Variants in RPSA2 observed in about 807,000 individuals in gnomAD.
The protein encoded by RPSA2 is ribosomal protein SA 2, also known as small ribosomal subunit protein uS2B.
chr19:23,825,863 A>G, the RPSA2 span, among the ~76,000 whole-genome samples: 1 of 152,210 alleles, frequency 6.6e-6, no homozygotes. Flanking sequence ...TACTGAGATT[A>G]CAGGTGTGAG....
At chr19:23,769,220 C>G in the RPSA2 span, among the ~76,000 whole-genome samples, 152 of 152,342 alleles carry the variant, frequency 1.0e-3, no homozygotes, top group African/African-American at 3.5e-3. Context: ...CTGGGCCCTA[C>G]CCACTGGAGT....
the RPSA2 span, among the ~76,000 whole-genome samples, chr19:23,856,372 G>C: frequency 6.6e-6 from 1 of 152,066 alleles, no homozygotes; most frequent in Non-Finnish European, 1.5e-5. Flanking sequence ...CCTGAATAGG[G>C]TGACCATATT....
the RPSA2 span, among the ~76,000 whole-genome samples, chr19:23,841,853 A>G: frequency 6.6e-6 from 1 of 152,188 alleles, no homozygotes; most frequent in Admixed American, 6.5e-5. Flanking sequence ...CTCCAAACTT[A>G]CTGAGTCAGG....
chr19:23,863,905 C>A, the RPSA2 span, among the ~76,000 whole-genome samples: 1 of 152,136 alleles, frequency 6.6e-6, no homozygotes, highest in South Asian at 2.1e-4. Flanking sequence ...CAGTGCAGAA[C>A]AGAATAACAG....
At chr19:23,761,901 A>ATCCATCCTTCCTTCCTTCCTCCC in the RPSA2 span, among the ~76,000 whole-genome samples, 2 of 34,030 alleles carry the variant, frequency 5.9e-5, no homozygotes, top group African/African-American at 1.9e-4. Flanking sequence ...GGGTAACGTA[A>ATCCATCCTTCCTTCCTTCCTCCC]TTCTTTCTTT....
At chr19:23,814,916 C>G in the RPSA2 span, among the ~76,000 whole-genome samples, 150,437 of 152,242 alleles carry the variant, frequency 0.99, 74,352 homozygotes, top group Middle Eastern at 1. Context: ...CATGATTTTG[C>G]CTCACTGCAG....
At chr19:23,761,482 A>G in the RPSA2 span, among the ~76,000 whole-genome samples, 1 of 152,148 alleles carries the variant, frequency 6.6e-6, no homozygotes, top group African/African-American at 2.4e-5. Flanking sequence ...CCAAAAACAA[A>G]ACAAAACAGA....
the RPSA2 span, among the ~76,000 whole-genome samples, chr19:23,867,727 G>C: frequency 6.6e-6 from 1 of 151,648 alleles, no homozygotes; most frequent in East Asian, 2.0e-4. Flanking sequence ...CTACTCGGAA[G>C]GCTGAGGCAG....
the RPSA2 span, among the ~76,000 whole-genome samples, chr19:23,864,722 G>C: frequency 3.9e-5 from 6 of 152,114 alleles, no homozygotes; most frequent in African/African-American, 1.4e-4. Flanking sequence ...TTTGTAATTA[G>C]ACTACTAAAT....
the RPSA2 span, among the ~76,000 whole-genome samples, chr19:23,816,464 G>T: frequency 6.6e-6 from 1 of 152,104 alleles, no homozygotes; most frequent in Non-Finnish European, 1.5e-5. Context: ...TCTTAAAAAT[G>T]AAGTTACTGG....
At chr19:23,763,660 G>A in the RPSA2 span, among the ~76,000 whole-genome samples, 3 of 152,110 alleles carry the variant, frequency 2.0e-5, no homozygotes, top group Admixed American at 2.0e-4. Flanking sequence ...GTAGAGAAGT[G>A]GTTTCGCCAT....
the RPSA2 span, among the ~76,000 whole-genome samples, chr19:23,846,621 G>A: frequency 2.0e-5 from 3 of 152,110 alleles, no homozygotes; most frequent in East Asian, 1.9e-4. Context: ...ACTTGTGAAG[G>A]TTAATCTAGC....
chr19:23,846,821 G>C, the RPSA2 span, among the ~76,000 whole-genome samples: 1 of 152,162 alleles, frequency 6.6e-6, no homozygotes, highest in Admixed American at 6.5e-5. Flanking sequence ...TAGATACTAT[G>C]ATTATTATGT....
chr19:23,806,001 G>GTCTATCTATCTATCTA, the RPSA2 span, among the ~76,000 whole-genome samples: 5 of 132,740 alleles, frequency 3.8e-5, no homozygotes, highest in African/African-American at 1.4e-4. Flanking sequence ...CTATCTGTCT[G>GTCTATCTATCTATCTA]TCTATCTATC....
At chr19:23,861,740 C>A in the RPSA2 span, among the ~76,000 whole-genome samples, 1 of 152,172 alleles carries the variant, frequency 6.6e-6, no homozygotes, top group African/African-American at 2.4e-5. Flanking sequence ...GAAGGTCTAA[C>A]TTTTGTGGTC....
the RPSA2 span, among the ~76,000 whole-genome samples, chr19:23,781,689 T>C: frequency 7.2e-5 from 11 of 152,144 alleles, no homozygotes; most frequent in African/African-American, 2.2e-4. Context: ...ACAAATCCAG[T>C]CCACCATTGA....
At chr19:23,766,239 A>G in the RPSA2 span, among the ~76,000 whole-genome samples, 1 of 131,808 alleles carries the variant, frequency 7.6e-6, no homozygotes, top group Non-Finnish European at 1.5e-5. Context: ...TACAACCTCC[A>G]CTTCCCAGGT....
the RPSA2 span, among the ~76,000 whole-genome samples, chr19:23,759,426 G>GTTCA: frequency 6.6e-6 from 1 of 151,416 alleles, no homozygotes; most frequent in African/African-American, 2.4e-5. Context: ...TACACCCAGA[G>GTTCA]TTCACCTGGC....
chr19:23,838,392 T>C, the RPSA2 span, among the ~76,000 whole-genome samples: 2 of 152,114 alleles, frequency 1.3e-5, no homozygotes, highest in African/African-American at 4.8e-5. Flanking sequence ...GGGTCTGTAG[T>C]TTTCTTTTTG....
Sources: gnomAD v4.1 joint callset for allele counts (sites outside exome capture counted in the v4.1 genomes callset) on GRCh38, gnomAD v4.1.1 for gene constraint, MANE v1.5 for transcripts, NCBI Gene and HGNC (gene_info 2026-07-23, HGNC 2026-07-21) for gene names.